CROCC2: variants seen among roughly 807,000 people sequenced by gnomAD.
CROCC2 encodes ciliary rootlet coiled-coil protein 2.
A neutral mutation model predicts 177.6 loss-of-function variants in CROCC2; 163 were observed. That is an observed-to-expected ratio of 0.92 (90% confidence interval 0.81 to 1.05). CROCC2 has a LOEUF of 1.05. CROCC2 is among the 50% of genes least tolerant of loss of function. The pLI, the probability that CROCC2 is intolerant of heterozygous loss-of-function variation, is 0.00. For missense variants in CROCC2, 1,929 were observed against 1,797.8 expected (o/e 1.07, Z -1.32); for synonymous variants, 904 against 787.3 (o/e 1.15, Z -2.48).
intron 20 of CROCC2, among the ~76,000 whole-genome samples, chr2:240,961,584 ACT>A (rs532761673): frequency 0.011 from 973 of 88,630 alleles, 9 homozygotes; most frequent in African/African-American, 0.034. Flanking sequence ...TCACACATAC[ACT>A]CACACACACA....
chr2:240,932,630 T>C, intron 8 of CROCC2, 72 bp from the exon 9 acceptor site: 1 of 716,132 alleles, frequency 1.4e-6, no homozygotes, highest in Non-Finnish European at 2.6e-6. Flanking sequence ...CTCAGGACTG[T>C]CTGCGCGGTC....
chr2:240,960,008 A>C lies in CROCC2; in HGVS notation c.3087+564A>C, dbSNP rs1424479395. 6.6e-6 allele frequency among the ~76,000 whole-genome samples: 1 copy of C among 152,254 alleles called. No individual in the cohort carries two copies. The highest frequency in any genetic ancestry group is 1.9e-4 in the East Asian group (1 of 5,194). ...CCAGAGCCACGCAGCCAAAGGCTCC[A>C]GGAGTCCAGCCGGCCCCCTCGTTCC... On this transcript the variant is annotated intron_variant, in intron 20 of 31. Coordinates refer to ENST00000690015, the MANE Select transcript of CROCC2 (RefSeq NM_001351305.2). This position sits in a 1 kb window ranked among gnomAD's most constrained non-coding sequence, Gnocchi z 5.0.
At chr2:240,954,002 C>A (rs1192905506) in intron 18 of CROCC2, among the ~76,000 whole-genome samples, 1 of 152,158 alleles carries the variant, frequency 6.6e-6, no homozygotes, top group Non-Finnish European at 1.5e-5. Context: ...GAGGGAGAGG[C>A]AGGGCCCCAA....
chr2:240,970,830 C>T (rs1207955534), intron 27 of CROCC2, among the ~76,000 whole-genome samples: 1 of 152,196 alleles, frequency 6.6e-6, no homozygotes, highest in Non-Finnish European at 1.5e-5. Flanking sequence ...GATGACTTAA[C>T]CCCACTTTTG....
chr2:240,972,038 C>G lies in CROCC2; in HGVS notation c.4401+3776C>G, dbSNP rs951678737. On this transcript the variant is annotated intron_variant, in intron 27 of 31. Coordinates refer to ENST00000690015, the MANE Select transcript of CROCC2 (RefSeq NM_001351305.2). This position sits in a 1 kb window ranked among gnomAD's most constrained non-coding sequence, Gnocchi z 7.1. ...TCTTCTGGTGTGTGTCAGTAGCTCA[C>G]TTCTCTGTTTAATTAGAGACTCTCA... Among the ~76,000 whole-genome samples the G allele has an allele frequency of 6.6e-5, 10 of 152,070 alleles. No homozygotes were observed. Among genetic ancestry groups the G allele is most frequent in the African/African-American group, 1.4e-4 (6 of 41,456 alleles).
rs2059571151 is a variant in CROCC2 at position 240,953,660 on chromosome 2, T to C, written c.2830-2199T>C. On this transcript the variant is annotated intron_variant, in intron 18 of 31. Coordinates refer to ENST00000690015, the MANE Select transcript of CROCC2 (RefSeq NM_001351305.2). This position sits in a 1 kb window ranked among gnomAD's most constrained non-coding sequence, Gnocchi z 4.0. ...GAGAAATTGAGTGGAGAAGTGGGGC[T>C]GCGGGGTCTAGCAGGACACTTCCCC... Among the ~76,000 whole-genome samples the C allele has an allele frequency of 6.6e-6, 1 of 152,146 alleles. No homozygotes were observed. The highest frequency in any genetic ancestry group is 2.1e-4 in the South Asian group (1 of 4,828).
intron 23 of CROCC2, 25 bp from the exon 24 acceptor site, chr2:240,965,611 G>T (rs1168731934): frequency 6.5e-7 from 1 of 1,550,154 alleles, no homozygotes; most frequent in East Asian, 2.4e-5. Flanking sequence ...TCTCCCACGG[G>T]CGCACCCCAA....
chr2:240,934,247 T>C, intron 11 of CROCC2, 84 bp from the exon 12 acceptor site: 1 of 1,453,114 alleles, frequency 6.9e-7, no homozygotes, highest in Non-Finnish European at 9.3e-7. Flanking sequence ...TGGAGGGAGT[T>C]GCAGGTGGTC....
intron 14 of CROCC2, among the ~76,000 whole-genome samples, chr2:240,945,166 C>T (rs554575379): frequency 2.0e-5 from 3 of 152,284 alleles, no homozygotes; most frequent in South Asian, 2.1e-4. Flanking sequence ...GAACTCCTGA[C>T]CTCAAGTGAT....
At position 240,945,040 on chromosome 2, in the gene CROCC2, G is replaced by A. The variant is rs183702045; in HGVS notation, c.2170-1020G>A. 6.7e-4 allele frequency among the ~76,000 whole-genome samples: 102 copies of A among 152,250 alleles called. No individual in the cohort carries two copies. The South Asian group carries it at 0.019, about 28-fold the overall frequency. ...TAACCTCTGCCTCCTGGGTTCAAGC[G>A]ATTCTCCTGCCTCGGCCTCCTGAAT... is the stretch of plus-strand genomic sequence containing the variant. On this transcript the variant is annotated intron_variant, in intron 14 of 31. Coordinates refer to ENST00000690015, the MANE Select transcript of CROCC2 (RefSeq NM_001351305.2).
chr2:240,956,943 T>C (rs1027411094), intron 19 of CROCC2, among the ~76,000 whole-genome samples: 1 of 152,080 alleles, frequency 6.6e-6, no homozygotes, highest in African/African-American at 2.4e-5. Flanking sequence ...AGCCCAGCGA[T>C]AGGACATAGA....
chr2:240,949,415 A>C lies in CROCC2; in HGVS notation c.2483-118A>C. The C allele has an allele frequency of 7.8e-7, 1 of 1,288,470 alleles. No individual in the cohort carries two copies. Among genetic ancestry groups the C allele is most frequent in the Non-Finnish European group, 1.1e-6 (1 of 939,372 alleles). The allele number at this position is 1,288,470 out of a possible 1,614,324, so 79.8% of individuals were successfully genotyped here. A position where few individuals can be genotyped will look rare whatever the true frequency, so the allele number is the denominator to read the frequency against. On this transcript the variant is annotated intron_variant, in intron 16 of 31. Transcript: ENST00000690015. The surrounding 1 kb of genome is among the most constrained non-coding windows in gnomAD (Gnocchi z 4.5). ...CCACCCTGCCATGTGCTGGCCACCCACTCCCGGAGCCTGGAGTGGACAGTG... is the reference window on the plus strand; with the variant it reads ...CCACCCTGCCATGTGCTGGCCACCCCCTCCCGGAGCCTGGAGTGGACAGTG...
intron 9 of CROCC2, 98 bp from the exon 10 acceptor site, chr2:240,933,033 C>A: frequency 6.6e-7 from 1 of 1,508,516 alleles, no homozygotes; most frequent in South Asian, 1.2e-5. Context: ...GCCCCAGTGT[C>A]GGGGGTGTCC....
chr2:240,976,013 G>C (rs1018650039), intron 27 of CROCC2, among the ~76,000 whole-genome samples: 2 of 152,166 alleles, frequency 1.3e-5, no homozygotes, highest in Non-Finnish European at 2.9e-5. Flanking sequence ...TTACAGGAAT[G>C]AGCCACAGCG....
chr2:240,932,969 A>G lies in CROCC2; in HGVS notation c.1251+61A>G, dbSNP rs977133003. On this transcript the variant is annotated intron_variant, in intron 9 of 31. Coordinates refer to ENST00000690015, the MANE Select transcript of CROCC2 (RefSeq NM_001351305.2). ...CTGAGGGCAGAAACATGAGCCCCTCAGGCTGAAGGGTAGTTATGGGGCCTG... is the reference window on the plus strand; with the variant it reads ...CTGAGGGCAGAAACATGAGCCCCTCGGGCTGAAGGGTAGTTATGGGGCCTG... 4 of 1,530,010 alleles carry G rather than the reference A, an allele frequency of 2.6e-6. No homozygotes were observed. The South Asian group carries it at 3.6e-5, about 14-fold the overall frequency. 94.8% of individuals were successfully genotyped at this position (1,530,010 alleles called of 1,614,324 possible). A position where few individuals can be genotyped will look rare whatever the true frequency, so the allele number is the denominator to read the frequency against.
At chr2:240,974,924 A>G (rs10804401) in intron 27 of CROCC2, among the ~76,000 whole-genome samples, 110,827 of 152,058 alleles carry the variant, frequency 0.73, 41,401 homozygotes, top group East Asian at 0.92. Context: ...GCCACTTTTT[A>G]TTGCTTACGT....
At chr2:240,945,499 T>A (rs978465832) in intron 14 of CROCC2, among the ~76,000 whole-genome samples, 6 of 152,208 alleles carry the variant, frequency 3.9e-5, no homozygotes, top group Non-Finnish European at 5.9e-5. Context: ...TCTTGGCATC[T>A]CAATTTTTCA....
rs1221465823 is a variant in CROCC2, at chr2:240,918,552, G to C, written c.79-174G>C. ...GGACAGGCGCAGCCCCACTCCGCAG[G>C]TGCAGAACCAAGGCATGCGCCTGAG... On this transcript the variant is annotated intron_variant, in intron 1 of 31. Transcript: ENST00000690015. The surrounding 1 kb of genome is among the most constrained non-coding windows in gnomAD (Gnocchi z 6.3). 6.6e-6 allele frequency among the ~76,000 whole-genome samples: 1 copy of C among 152,234 alleles called. No individual in the cohort carries two copies. Among genetic ancestry groups the C allele is most frequent in the Non-Finnish European group, 1.5e-5 (1 of 68,040 alleles).
chr2:240,925,495 G>C (rs2059390390), intron 4 of CROCC2, among the ~76,000 whole-genome samples: 1 of 152,236 alleles, frequency 6.6e-6, no homozygotes. Flanking sequence ...AGGCAGGAGG[G>C]CACTGGGCTG....
Sources: allele counts gnomAD v4.1 joint callset (sites outside exome capture counted in the v4.1 genomes callset), GRCh38; gene constraint gnomAD v4.1.1; non-coding constraint Gnocchi (gnomAD v3.1); transcripts MANE v1.5; gene names NCBI Gene and HGNC (gene_info 2026-07-23, HGNC 2026-07-21).